CWC27: variants seen among roughly 807,000 people sequenced by gnomAD.
The protein encoded by CWC27 is CWC27 spliceosome associated cyclophilin.
Under a neutral mutation model 63.6 loss-of-function variants are expected in CWC27, and 47 were observed. The observed-to-expected ratio is 0.74, with a 90% CI of 0.58 to 0.94. CWC27 has a LOEUF of 0.94. Ranked by LOEUF, CWC27 falls within the 40% of genes least tolerant of loss-of-function variation. The pLI, the probability that CWC27 is intolerant of heterozygous loss-of-function variation, is 0.00. For missense variants in CWC27, 495 were observed against 554.3 expected, an observed-to-expected ratio of 0.89 and a Z score of 1.07; for synonymous variants, 175 against 179.8, an observed-to-expected ratio of 0.97 and a Z score of 0.22.
chr5:64,769,534 C>A (rs192118409), intron 1 of CWC27, among the ~76,000 whole-genome samples: 1 of 152,276 alleles, frequency 6.6e-6, no homozygotes, highest in African/African-American at 2.4e-5. Context: ...TTCTCCATTT[C>A]TTCTACAATC....
chr5:64,851,759 G>C (rs1202065437), intron 10 of CWC27, among the ~76,000 whole-genome samples: 1 of 151,668 alleles, frequency 6.6e-6, no homozygotes, highest in Non-Finnish European at 1.5e-5. Flanking sequence ...TTAGATGCTA[G>C]CTAAGCAATA....
At chr5:64,795,320 T>G (rs1744227718) in intron 7 of CWC27, among the ~76,000 whole-genome samples, 1 of 152,200 alleles carries the variant, frequency 6.6e-6, no homozygotes, top group African/African-American at 2.4e-5. Flanking sequence ...TTAGCTAATT[T>G]TACAAAGGTG....
chr5:64,784,619 A>G (rs1159439287), intron 4 of CWC27, among the ~76,000 whole-genome samples: 2 of 152,210 alleles, frequency 1.3e-5, no homozygotes, highest in Admixed American at 6.5e-5. Context: ...TTCAGTAAGA[A>G]TGGTTTCCCC....
intron 13 of CWC27, among the ~76,000 whole-genome samples, chr5:65,016,124 G>T (rs1249189249): frequency 6.6e-6 from 1 of 152,068 alleles, no homozygotes; most frequent in African/African-American, 2.4e-5. Flanking sequence ...CCTTTTTCTG[G>T]GAGTTAGAGA....
chr5:64,889,212 CA>C (rs199549956), intron 11 of CWC27, among the ~76,000 whole-genome samples: 8 of 149,034 alleles, frequency 5.4e-5, no homozygotes, highest in African/African-American at 7.4e-5. Flanking sequence ...AATCATAGAA[CA>C]AAAAAAAAGG....
chr5:64,988,970 A>G (rs1749486837), intron 13 of CWC27, among the ~76,000 whole-genome samples: 1 of 152,122 alleles, frequency 6.6e-6, no homozygotes, highest in Non-Finnish European at 1.5e-5. Context: ...TGACACATGC[A>G]CTGACTTTAT....
At chr5:64,831,380 G>A (rs1215830856) in intron 10 of CWC27, among the ~76,000 whole-genome samples, 1 of 151,440 alleles carries the variant, frequency 6.6e-6, no homozygotes, top group Non-Finnish European at 1.5e-5. Context: ...GTAGAAGAGA[G>A]TGTAGTTTTA....
intron 10 of CWC27, among the ~76,000 whole-genome samples, chr5:64,869,271 A>T (rs1463518754): frequency 1.3e-5 from 2 of 152,126 alleles, no homozygotes; most frequent in African/African-American, 2.4e-5. Context: ...AGCATGAATC[A>T]AACCTAAGTT....
intron 11 of CWC27, among the ~76,000 whole-genome samples, chr5:64,956,229 G>T (rs1748800713): frequency 6.6e-6 from 1 of 152,094 alleles, no homozygotes; most frequent in Non-Finnish European, 1.5e-5. Flanking sequence ...AAACACCTAT[G>T]AATTATTTTT....
chr5:64,909,768 C>T (rs975302236), intron 11 of CWC27, among the ~76,000 whole-genome samples: 7 of 152,070 alleles, frequency 4.6e-5, no homozygotes, highest in African/African-American at 1.4e-4. Flanking sequence ...GTTCTCGTGC[C>T]AGCTCCTTCA....
intron 11 of CWC27, among the ~76,000 whole-genome samples, chr5:64,938,288 A>G (rs1036055582): frequency 1.3e-5 from 2 of 152,164 alleles, no homozygotes; most frequent in Non-Finnish European, 2.9e-5. Context: ...GAGCTCTTGT[A>G]AGGCAGGCCT....
Position 64,880,854 on chromosome 5 carries a change from A to ATTTTT in CWC27, c.939-4573_939-4569dup, listed in dbSNP as rs35152901. 6.0e-3 allele frequency among the ~76,000 whole-genome samples: 815 copies of ATTTTT among 135,994 alleles called. 7 individuals carry two copies. The highest frequency in any genetic ancestry group is 0.021 in the African/African-American group (767 of 36,986). 89.2% of individuals were successfully genotyped at this position (135,994 alleles called of 152,430 possible). ...GAGTTAGTAACAGTTTATAAAAGCC[A>ATTTTT]TTTTTTTTTTTTTTTTTTTTACCAT... On this transcript the variant is annotated intron_variant, in intron 10 of 13. Coordinates refer to ENST00000381070, the MANE Select transcript of CWC27 (RefSeq NM_005869.4).
chr5:64,789,107 G>A (rs1316810297), intron 7 of CWC27, 87 bp downstream of exon 7: 5 of 809,344 alleles, frequency 6.2e-6, no homozygotes, highest in Non-Finnish European at 9.6e-6. Flanking sequence ...GCTATATCTG[G>A]CACAGCATGT....
chr5:64,789,894 TTATC>T (rs1017836457), intron 7 of CWC27, among the ~76,000 whole-genome samples: 3 of 152,122 alleles, frequency 2.0e-5, no homozygotes, highest in Non-Finnish European at 4.4e-5. Context: ...CTTAACATAA[TTATC>T]TATTTCTTAC....
At chr5:64,837,204 A>G (rs898816654) in intron 10 of CWC27, among the ~76,000 whole-genome samples, 1 of 152,068 alleles carries the variant, frequency 6.6e-6, no homozygotes, top group African/African-American at 2.4e-5. Context: ...AGGTTTAAGA[A>G]TTTATTTTTT....
chr5:64,789,026 C>T lies in CWC27; in HGVS notation c.669+6C>T, dbSNP rs781212016. 5.0e-6 allele frequency: 8 copies of T among 1,594,156 alleles called. No individual in the cohort carries two copies. The highest frequency in any genetic ancestry group is 6.8e-6 in the Non-Finnish European group (8 of 1,167,924). On this transcript the variant is annotated splice_donor_region_variant and intron_variant, in intron 7 of 13. Coordinates refer to ENST00000381070, the MANE Select transcript of CWC27 (RefSeq NM_005869.4). ...AAGTAAATCGAGTTAGTCAGGTAAT[C>T]TCTAATTTGCCCTTTGTTCTAACTT...
chr5:64,797,171 G>C (rs1201465906), intron 7 of CWC27, among the ~76,000 whole-genome samples: 1 of 151,906 alleles, frequency 6.6e-6, no homozygotes, highest in Non-Finnish European at 1.5e-5. Flanking sequence ...TCATTCATCA[G>C]CTAAACCTTT....
chr5:65,012,820 C>A (rs1749985885), intron 13 of CWC27, among the ~76,000 whole-genome samples: 1 of 152,188 alleles, frequency 6.6e-6, no homozygotes, highest in Admixed American at 6.5e-5. Context: ...AATCTGAAAG[C>A]ATAAAAGCTC....
At chr5:64,784,193 T>G (rs950212821) in intron 4 of CWC27, among the ~76,000 whole-genome samples, 5 of 152,212 alleles carry the variant, frequency 3.3e-5, no homozygotes, top group African/African-American at 4.8e-5. Flanking sequence ...TTCAATTCAG[T>G]CATTAGTTGT....
Sources: allele counts gnomAD v4.1 joint callset (sites outside exome capture counted in the v4.1 genomes callset), GRCh38; gene constraint gnomAD v4.1.1; transcripts MANE v1.5; gene names NCBI Gene and HGNC (gene_info 2026-07-23, HGNC 2026-07-21).